NLRC5: variants seen among roughly 807,000 people sequenced by gnomAD.
NLRC5 encodes the protein NLR family CARD domain containing 5, also known as protein NLRC5.
NLRC5 carries 114 observed loss-of-function variants against 206.9 expected under a neutral mutation model. That is an observed-to-expected ratio of 0.55 (90% CI 0.47 to 0.64). NLRC5 has a LOEUF of 0.64. Ranked by LOEUF, NLRC5 falls within the 30% of genes least tolerant of loss-of-function variation. The pLI is 0.00. For missense variants in NLRC5, 2,008 were observed against 2,305.5 expected (o/e 0.87, Z 2.64); for synonymous variants, 952 against 962.8 (o/e 0.99, Z 0.21).
chr16:57,036,646 G>T (rs891375478), intron 14 of NLRC5, among the ~76,000 whole-genome samples: 12 of 151,770 alleles, frequency 7.9e-5, no homozygotes, highest in East Asian at 1.9e-4. Context: ...GTTGCATGGG[G>T]TGAGGGTGAT....
intron 36 of NLRC5, 85 bp downstream of exon 36, chr16:57,067,913 A>G: frequency 1.8e-6 from 2 of 1,090,116 alleles, no homozygotes; most frequent in Non-Finnish European, 1.4e-6. Flanking sequence ...CTGGGCTCAG[A>G]GGACTCTTAC....
At chr16:57,041,256 T>C in intron 17 of NLRC5, 1 of 533,344 alleles carries the variant, frequency 1.9e-6, no homozygotes, top group East Asian at 3.1e-5. Flanking sequence ...CTCTGTGCCT[T>C]GGTTTCCTTC....
intron 1 of NLRC5, among the ~76,000 whole-genome samples, chr16:57,012,601 G>A (rs183995582): frequency 5.0e-4 from 76 of 152,254 alleles, no homozygotes; most frequent in African/African-American, 1.7e-3. Flanking sequence ...TGTGAAATGC[G>A]CATGTGAGGG....
chr16:57,069,672 G>A, intron 36 of NLRC5, 164 bp from the exon 37 acceptor site: 1 of 641,008 alleles, frequency 1.6e-6, no homozygotes, highest in Non-Finnish European at 2.8e-6. Flanking sequence ...GCTCTGTGGT[G>A]GCTTAATGAG....
chr16:57,030,083 A>T lies in NLRC5; in HGVS notation c.2416A>T (p.Arg806Trp), dbSNP rs748111119. The change falls in exon 10 of 49, where the codon AGG becomes TGG. Residue 806 changes from arginine (R) to tryptophan (W), a missense_variant and splice_region_variant. Coordinates refer to ENST00000688547, the MANE Select transcript of NLRC5 (RefSeq NM_001384950.1). ...TCPTVRMLQA[R>W]EADLIFLLSP... ...TCCTACCGTCAGGATGCTTCAGGCC[A>T]GGTGAGCAGAAGGAAAGGGATCTTG... The T allele has an allele frequency of 6.2e-7, 1 of 1,613,758 alleles. No individual in the cohort carries two copies. The highest frequency in any genetic ancestry group is 8.5e-7 in the Non-Finnish European group (1 of 1,179,660).
intron 39 of NLRC5, 30 bp from the exon 40 acceptor site, chr16:57,076,789 A>G (rs771421474): frequency 6.2e-7 from 1 of 1,608,022 alleles, no homozygotes; most frequent in South Asian, 1.1e-5. Context: ...AGCTCCTGAA[A>G]GCCTCTTGGT....
intron 1 of NLRC5, among the ~76,000 whole-genome samples, chr16:57,008,203 C>G (rs1220892061): frequency 1.3e-5 from 2 of 152,126 alleles, no homozygotes; most frequent in African/African-American, 2.4e-5. Context: ...GCCTGGGCAA[C>G]AGAGCAAGAC....
intron 15 of NLRC5, among the ~76,000 whole-genome samples, chr16:57,037,760 A>G (rs1027328460): frequency 6.6e-6 from 1 of 152,202 alleles, no homozygotes; most frequent in Non-Finnish European, 1.5e-5. Context: ...AGGCTCTGCC[A>G]CTAGGGAACC....
chr16:57,074,734 C>A (rs568181567), intron 39 of NLRC5, 51 bp downstream of exon 39: 9 of 1,544,522 alleles, frequency 5.8e-6, no homozygotes, highest in African/African-American at 1.4e-5. Context: ...ACACTTCCCA[C>A]TCAGTTGGGA....
intron 1 of NLRC5, among the ~76,000 whole-genome samples, chr16:56,995,534 G>A (rs1414466542): frequency 6.6e-6 from 1 of 152,306 alleles, no homozygotes; most frequent in East Asian, 1.9e-4. Context: ...AAAAGATTGT[G>A]CCAATGTAGA....
At chr16:56,996,146 G>GT (rs1332389342) in intron 1 of NLRC5, among the ~76,000 whole-genome samples, 1 of 152,062 alleles carries the variant, frequency 6.6e-6, no homozygotes, top group Non-Finnish European at 1.5e-5. Flanking sequence ...GCATCATAGT[G>GT]TTTTTTGTTT....
At chr16:57,002,689 C>T (rs1351309634) in intron 1 of NLRC5, among the ~76,000 whole-genome samples, 1 of 129,252 alleles carries the variant, frequency 7.7e-6, no homozygotes, top group African/African-American at 3.0e-5. Flanking sequence ...TGTCTCAAGG[C>T]TGGAGTGCAG....
chr16:57,055,367 C>A, intron 26 of NLRC5, 66 bp from the exon 27 acceptor site: 1 of 1,485,550 alleles, frequency 6.7e-7, no homozygotes, highest in Non-Finnish European at 9.3e-7. Context: ...CTGGGCTAGC[C>A]AGGCCGGAGG....
In NLRC5 at chr16:57,001,323, A is replaced by G. The variant is rs74341038; in HGVS notation, c.-128+11706A>G. Reference sequence around the variant, plus strand: ...GCCTGGCTATCACCCCACAAACTGCATCCTTTCTGATCTGCACAGATGAGA... The same window carrying G: ...GCCTGGCTATCACCCCACAAACTGCGTCCTTTCTGATCTGCACAGATGAGA... On this transcript the variant is annotated intron_variant, in intron 1 of 48. Coordinates refer to ENST00000688547, the MANE Select transcript of NLRC5 (RefSeq NM_001384950.1). Among the ~76,000 whole-genome samples, 85 of 152,304 alleles carry G rather than the reference A, an allele frequency of 5.6e-4. No homozygotes were observed. In the East Asian group the frequency reaches 0.015, roughly 27 times the overall value.
rs774842080 is a variant in NLRC5, at chr16:57,039,856, C to T, written c.2870+7C>T. 5.0e-6 allele frequency: 8 copies of T among 1,611,026 alleles called. No homozygotes were observed. In the East Asian group the frequency reaches 1.8e-4, roughly 36 times the overall value. On this transcript the variant is annotated splice_region_variant and intron_variant, in intron 16 of 48. Coordinates refer to ENST00000688547, the MANE Select transcript of NLRC5 (RefSeq NM_001384950.1). ...AGAAGGGGCCCCAGGAGAGGTAGGG[C>T]CCGATTTCACCCCAACTCCATGCTC...
intron 32 of NLRC5, among the ~76,000 whole-genome samples, 163 bp from the exon 33 acceptor site, chr16:57,065,049 G>A (rs2066935847): frequency 6.6e-6 from 1 of 152,086 alleles, no homozygotes; most frequent in African/African-American, 2.4e-5. Context: ...TCCTTTTTTA[G>A]ATTGATGCCT....
chr16:57,072,715 G>T (rs2067930224), intron 38 of NLRC5, among the ~76,000 whole-genome samples: 1 of 36,726 alleles, frequency 2.7e-5, no homozygotes, highest in African/African-American at 9.5e-5. Flanking sequence ...GACCAAAAAA[G>T]TTCCATCTTT....
Position 57,037,221 on chromosome 16 carries a change from C to T in NLRC5, c.2738C>T (p.Ala913Val). The T allele has an allele frequency of 6.2e-7, 1 of 1,613,792 alleles. No individual in the cohort carries two copies. The highest frequency in any genetic ancestry group is 8.5e-7 in the Non-Finnish European group (1 of 1,179,930). Residue 913 changes from alanine to valine, a missense_variant, in exon 15 of 49, where the codon GCC becomes GTC. By Grantham distance (64) the Ala-to-Val change is moderately conservative. Coordinates refer to ENST00000688547, the MANE Select transcript of NLRC5 (RefSeq NM_001384950.1). Reference protein sequence around the residue: ...LDLSNNGLSVAGVHCVLRAVS... With the variant: ...LDLSNNGLSVVGVHCVLRAVS... Reference sequence around the variant, plus strand: ...CTCAGTAACAACGGGCTTTCTGTGGCCGGGGTGCATTGTGTGCTGAGGGCC... The same window carrying T: ...CTCAGTAACAACGGGCTTTCTGTGGTCGGGGTGCATTGTGTGCTGAGGGCC...
chr16:57,045,926 AAAC>A (rs1398327742), intron 21 of NLRC5, among the ~76,000 whole-genome samples: 2 of 152,236 alleles, frequency 1.3e-5, no homozygotes, highest in Non-Finnish European at 2.9e-5. Context: ...TCTTCGCAGT[AAAC>A]AACCAATACT....
Sources: gnomAD v4.1 joint callset for allele counts (sites outside exome capture counted in the v4.1 genomes callset) on GRCh38, gnomAD v4.1.1 for gene constraint, MANE v1.5 for transcripts, NCBI Gene and HGNC (gene_info 2026-07-23, HGNC 2026-07-21) for gene names.